The following CFDP1 variants were observed in gnomAD, a reference collection of about 807,000 sequenced individuals.
CFDP1 encodes heterochromatin-stabilizing protein CFDP1.
In CFDP1, 31 loss-of-function variants were observed where a neutral mutation model predicts 40.1. That is an observed-to-expected ratio of 0.77 (90% CI 0.58 to 1.04). The LOEUF is 1.04. Ranked by LOEUF, CFDP1 falls within the 50% of genes least tolerant of loss-of-function variation. The pLI, the probability that CFDP1 is intolerant of heterozygous loss-of-function variation, is 0.00. For synonymous variants in CFDP1, 167 were observed against 120.0 expected (o/e 1.39, Z -2.56); for missense variants, 423 against 343.4 (o/e 1.23, Z -1.83).
intron 4 of CFDP1, among the ~76,000 whole-genome samples, chr16:75,400,316 A>G (rs945414499): frequency 1.3e-5 from 2 of 152,036 alleles, no homozygotes; most frequent in Admixed American, 1.3e-4. Context: ...AGAAGGTAGA[A>G]AGCAAGTAGA....
At chr16:75,424,670 C>T (rs2079315901) in intron 1 of CFDP1, among the ~76,000 whole-genome samples, 1 of 150,710 alleles carries the variant, frequency 6.6e-6, no homozygotes, top group Non-Finnish European at 1.5e-5. Flanking sequence ...AGAAGAATGG[C>T]GTGAACCCAG....
rs148943399 is a variant in CFDP1, at chr16:75,357,799, C to T, written c.650+37291G>A. Among the ~76,000 whole-genome samples, 54 of 152,352 alleles carry T rather than the reference C, an allele frequency of 3.5e-4. No homozygotes were observed. In the East Asian group the frequency reaches 9.4e-3, roughly 27 times the overall value. Reference sequence around the variant, plus strand: ...CATTTGTGCGTTCACTGGAGTAGCACTCTTAGCTTCCTTCAAGAACTTTTC... The same window carrying T: ...CATTTGTGCGTTCACTGGAGTAGCATTCTTAGCTTCCTTCAAGAACTTTTC... On this transcript the variant is annotated intron_variant, in intron 5 of 6. Transcript: ENST00000283882.
At chr16:75,407,514 CA>C (rs11359671) in intron 4 of CFDP1, among the ~76,000 whole-genome samples, 74,915 of 151,368 alleles carry the variant, frequency 0.49, 20,019 homozygotes, top group Admixed American at 0.63. Flanking sequence ...GACATTGCTA[CA>C]AAAAAATTTT....
intron 6 of CFDP1, among the ~76,000 whole-genome samples, chr16:75,304,474 T>C (rs1052691859): frequency 6.6e-6 from 1 of 152,202 alleles, no homozygotes; most frequent in African/African-American, 2.4e-5. Flanking sequence ...CTCTTTGTAT[T>C]CCACAGCGAA....
At chr16:75,373,919 A>G (rs557867077) in intron 5 of CFDP1, among the ~76,000 whole-genome samples, 4 of 152,214 alleles carry the variant, frequency 2.6e-5, no homozygotes, top group Non-Finnish European at 5.9e-5. Flanking sequence ...AAAGAAAATG[A>G]TAAAAAACCT....
At chr16:75,307,841 C>A (rs1443460334) in intron 5 of CFDP1, among the ~76,000 whole-genome samples, 1 of 152,190 alleles carries the variant, frequency 6.6e-6, no homozygotes, top group African/African-American at 2.4e-5. Context: ...ATTATAGGCA[C>A]AAGCCACCAT....
intron 3 of CFDP1, 110 bp from the exon 4 acceptor site, chr16:75,412,062 C>A: frequency 2.6e-6 from 3 of 1,152,648 alleles, no homozygotes. Context: ...GTAGCCCAAG[C>A]TGGAGTGCAG....
At chr16:75,427,330 A>C (rs2079353227) in intron 1 of CFDP1, among the ~76,000 whole-genome samples, 1 of 151,622 alleles carries the variant, frequency 6.6e-6, no homozygotes, top group South Asian at 2.1e-4. Context: ...GGCTCACTGC[A>C]ACCTCCACCT....
At chr16:75,366,674 A>C (rs2078716251) in intron 5 of CFDP1, among the ~76,000 whole-genome samples, 1 of 152,124 alleles carries the variant, frequency 6.6e-6, no homozygotes, top group Non-Finnish European at 1.5e-5. Flanking sequence ...TAGATACTGA[A>C]AGACTATGTA....
intron 5 of CFDP1, among the ~76,000 whole-genome samples, chr16:75,321,665 C>G (rs1021314133): frequency 1.3e-5 from 2 of 152,154 alleles, no homozygotes; most frequent in African/African-American, 2.4e-5. Context: ...CAACCAGAAA[C>G]AGAAACTAAG....
chr16:75,356,274 C>T (rs2078643516), intron 5 of CFDP1, among the ~76,000 whole-genome samples: 2 of 152,192 alleles, frequency 1.3e-5, no homozygotes, highest in South Asian at 4.1e-4. Flanking sequence ...AGTAACACTT[C>T]AAAGTTGAAA....
chr16:75,310,152 C>G (rs1299210785), intron 5 of CFDP1, among the ~76,000 whole-genome samples: 1 of 152,222 alleles, frequency 6.6e-6, no homozygotes, highest in Non-Finnish European at 1.5e-5. Flanking sequence ...ACTTTGTTGA[C>G]CTTACTACCA....
chr16:75,351,740 G>T (rs2078612731), intron 5 of CFDP1, among the ~76,000 whole-genome samples: 1 of 152,196 alleles, frequency 6.6e-6, no homozygotes, highest in Admixed American at 6.5e-5. Flanking sequence ...AAGTGTGGTG[G>T]CTCACGCCTG....
chr16:75,386,689 C>CA (rs940447886), intron 5 of CFDP1, among the ~76,000 whole-genome samples: 57 of 152,312 alleles, frequency 3.7e-4, no homozygotes, highest in African/African-American at 1.1e-3. Context: ...CCCGACACTG[C>CA]ACTCCAGCCT....
intron 5 of CFDP1, among the ~76,000 whole-genome samples, chr16:75,315,263 C>T (rs1353907145): frequency 8.3e-6 from 1 of 120,974 alleles, no homozygotes; most frequent in African/African-American, 3.2e-5. Context: ...GAACGGGAGG[C>T]GGAGGTTGCC....
chr16:75,354,547 G>C (rs2078634441), intron 5 of CFDP1, among the ~76,000 whole-genome samples: 1 of 152,142 alleles, frequency 6.6e-6, no homozygotes, highest in South Asian at 2.1e-4. Context: ...ATAAAAACAT[G>C]ATGGCACTGT....
chr16:75,392,730 C>G (rs1223659978), intron 5 of CFDP1, among the ~76,000 whole-genome samples: 1 of 152,138 alleles, frequency 6.6e-6, no homozygotes, highest in African/African-American at 2.4e-5. Context: ...GTATTTACTC[C>G]TACTACATGT....
chr16:75,371,384 A>G (rs2046611131), intron 5 of CFDP1, among the ~76,000 whole-genome samples: 1 of 152,226 alleles, frequency 6.6e-6, no homozygotes, highest in Non-Finnish European at 1.5e-5. Context: ...AACACTGGCT[A>G]ATGTCTTAAG....
Position 75,427,592 on chromosome 16 carries a change from A to G in CFDP1, c.64+5697T>C, listed in dbSNP as rs370300940. On this transcript the variant is annotated intron_variant, in intron 1 of 6. Coordinates refer to ENST00000283882, the MANE Select transcript of CFDP1 (RefSeq NM_006324.3). ...TTAAAACAAAAACAAAAACAAAAAAATCTGACCACCCCAAGTGTTGTTGAG... is the reference window on the plus strand; with the variant it reads ...TTAAAACAAAAACAAAAACAAAAAAGTCTGACCACCCCAAGTGTTGTTGAG... Among the ~76,000 whole-genome samples, 76 of 152,294 alleles carry G rather than the reference A, an allele frequency of 5.0e-4. No individual in the cohort carries two copies. The South Asian group carries it at 0.015, about 31-fold the overall frequency.
Sources: allele counts gnomAD v4.1 joint callset (sites outside exome capture counted in the v4.1 genomes callset), GRCh38; gene constraint gnomAD v4.1.1; transcripts MANE v1.5; gene names NCBI Gene and HGNC (gene_info 2026-07-23, HGNC 2026-07-21).